The following NKIRAS1 variants were observed in gnomAD, a reference collection of about 807,000 sequenced individuals.
The protein encoded by NKIRAS1 is NF-kappa-B inhibitor-interacting Ras-like protein 1.
In NKIRAS1, 16 loss-of-function variants were observed where a neutral mutation model predicts 19.8. The observed-to-expected ratio is 0.81, with a 90% CI of 0.55 to 1.23. The LOEUF (loss-of-function observed/expected upper bound fraction) is 1.23, where lower values mean the gene tolerates loss of function less well. Among genes scored for constraint, NKIRAS1 ranks in the 50% most tolerant of loss-of-function variants. The pLI, the probability that NKIRAS1 is intolerant of heterozygous loss-of-function variation, is 0.00. For missense variants in NKIRAS1, 184 were observed against 220.0 expected, an observed-to-expected ratio of 0.84 and a Z score of 1.04; for synonymous variants, 88 against 79.0, an observed-to-expected ratio of 1.11 and a Z score of -0.61.
chr3:23,918,626 G>A, upstream of NKIRAS1: 1 of 1,582,004 alleles, frequency 6.3e-7, no homozygotes, highest in Admixed American at 1.8e-5. Flanking sequence ...GGGGATGGTG[G>A]GAGAGAGAGA....
At position 23,891,224 on chromosome 3, in the gene NKIRAS1, A is replaced by AGTT. The variant is rs1248779183; in HGVS notation, c.*1868_*1870dup. The AGTT allele has an allele frequency of 2.0e-5, 3 of 152,278 alleles. No homozygotes were observed. The highest frequency in any genetic ancestry group is 4.4e-5 in the Non-Finnish European group (3 of 68,050). 9.4% of individuals were successfully genotyped at this position (152,278 alleles called of 1,614,324 possible). On this transcript the variant is annotated 3_prime_UTR_variant, in exon 5 of 5. Transcript: ENST00000425478. Reference sequence around the variant, plus strand: ...AACTAACTGTAAGGCGTGGAATAGGAGTTGCTCAGTGGATTGGTTCTATGT... The same window carrying AGTT: ...AACTAACTGTAAGGCGTGGAATAGGAGTTGTTGCTCAGTGGATTGGTTCTATGT...
At chr3:23,944,848 T>TG (rs1559518683) in intron 1 of NKIRAS1, among the ~76,000 whole-genome samples, 2 of 8,404 alleles carry the variant, frequency 2.4e-4, no homozygotes, top group Non-Finnish European at 5.2e-4. Context: ...GGGGTGGGGG[T>TG]GGGGGGCGCA....
chr3:23,930,492 T>C (rs1705294617), intron 1 of NKIRAS1, among the ~76,000 whole-genome samples: 1 of 151,056 alleles, frequency 6.6e-6, no homozygotes. Context: ...AAATCTACAC[T>C]ATACAAACAG....
At chr3:23,944,958 G>T (rs1442307534) in intron 1 of NKIRAS1, among the ~76,000 whole-genome samples, 1 of 152,058 alleles carries the variant, frequency 6.6e-6, no homozygotes, top group Non-Finnish European at 1.5e-5. Flanking sequence ...CACCAGGTTG[G>T]GGGGCAGGGC....
chr3:23,937,703 T>TA (rs962051725), intron 1 of NKIRAS1, among the ~76,000 whole-genome samples: 2 of 152,184 alleles, frequency 1.3e-5, no homozygotes, highest in Admixed American at 6.5e-5. Flanking sequence ...TCTTACTTTT[T>TA]AAAAAATATC....
chr3:23,921,854 C>T (rs1705098703), upstream of NKIRAS1: 3 of 502,236 alleles, frequency 6.0e-6, no homozygotes, highest in South Asian at 5.7e-5. Context: ...GGATTACAGG[C>T]GTGAGCCACC....
chr3:23,923,704 G>C (rs1330168105), intron 1 of NKIRAS1: 1 of 152,186 alleles, frequency 6.6e-6, no homozygotes, highest in Non-Finnish European at 1.5e-5. Context: ...GAATGGCAGA[G>C]TTAAAAATTG....
At chr3:23,924,723 G>A (rs548495279) in intron 1 of NKIRAS1, among the ~76,000 whole-genome samples, 1 of 152,232 alleles carries the variant, frequency 6.6e-6, no homozygotes, top group South Asian at 2.1e-4. Flanking sequence ...ATTCTTGAAG[G>A]TAACTTTATG....
Position 23,891,710 on chromosome 3 carries a change from T to A in NKIRAS1, c.*1385A>T, listed in dbSNP as rs1434413844. The A allele has an allele frequency of 6.6e-6, 1 of 152,234 alleles. No individual in the cohort carries two copies. Among genetic ancestry groups the A allele is most frequent in the Non-Finnish European group, 1.5e-5 (1 of 68,046 alleles). The allele number at this position is 152,234 out of a possible 1,614,324, so 9.4% of individuals were successfully genotyped here. A position where few individuals can be genotyped will look rare whatever the true frequency, so the allele number is the denominator to read the frequency against. ...TCTCTTTCAGAGAAACTTATCTGGA[T>A]ACACATACATTCATTACAGAATTTA... On this transcript the variant is annotated 3_prime_UTR_variant, in exon 5 of 5. Transcript: ENST00000425478.
At position 23,892,788 on chromosome 3, in the gene NKIRAS1, G is replaced by A. The variant is rs977420220; in HGVS notation, c.*307C>T. 5.3e-6 allele frequency: 1 copy of A among 187,412 alleles called. No individual in the cohort carries two copies. The highest frequency in any genetic ancestry group is 6.1e-5 in the Admixed American group (1 of 16,462). 11.6% of individuals were successfully genotyped at this position (187,412 alleles called of 1,614,324 possible). A position where few individuals can be genotyped will look rare whatever the true frequency, so the allele number is the denominator to read the frequency against. The stretch of plus-strand genomic sequence containing the variant: ...TGGGGTTGGGGGGAAGTTACACATA[G>A]GTGCATTTGCATAACTATCCAAACT... On this transcript the variant is annotated 3_prime_UTR_variant, in exon 5 of 5. Transcript: ENST00000425478.
At position 23,891,489 on chromosome 3, in the gene NKIRAS1, G is replaced by C. The variant is rs75107708; in HGVS notation, c.*1606C>G. On this transcript the variant is annotated 3_prime_UTR_variant, in exon 5 of 5. Coordinates refer to ENST00000425478, the MANE Select transcript of NKIRAS1 (RefSeq NM_020345.4). ...ACACAGCTGTAGATGAGGTATCCTAGAAAAGGTTAAATAATCTACCCCATT... is the reference window on the plus strand; with the variant it reads ...ACACAGCTGTAGATGAGGTATCCTACAAAAGGTTAAATAATCTACCCCATT... Among the ~76,000 whole-genome samples the C allele has an allele frequency of 1.0e-3, 156 of 152,288 alleles. 1 individual carries two copies. Among genetic ancestry groups the C allele is most frequent in the Non-Finnish European group, 1.9e-3 (130 of 68,006 alleles).
intron 4 of NKIRAS1, among the ~76,000 whole-genome samples, chr3:23,893,762 G>A (rs1277177162): frequency 3.0e-5 from 4 of 133,068 alleles, no homozygotes; most frequent in Non-Finnish European, 4.6e-5. Flanking sequence ...TGGCGCCACT[G>A]CACTCCAGCC....
At chr3:23,894,206 G>A (rs1701748269) in intron 4 of NKIRAS1, among the ~76,000 whole-genome samples, 1 of 152,186 alleles carries the variant, frequency 6.6e-6, no homozygotes. Context: ...AGCTCGGGGA[G>A]GAGAAGAGAC....
chr3:23,934,324 T>C (rs957902253), intron 1 of NKIRAS1, among the ~76,000 whole-genome samples: 3 of 152,068 alleles, frequency 2.0e-5, no homozygotes, highest in Non-Finnish European at 2.9e-5. Context: ...AAGCCAAAAA[T>C]AATTGTATCC....
chr3:23,928,999 TAAAAA>T (rs539612913), intron 1 of NKIRAS1, among the ~76,000 whole-genome samples: 1,638 of 122,546 alleles, frequency 0.013, 33 homozygotes, highest in African/African-American at 0.043. Flanking sequence ...TCCATCTCTT[TAAAAA>T]AAAAAAAAAG....
At chr3:23,918,303 T>G, upstream of NKIRAS1, 4 of 1,045,326 alleles carry the variant, frequency 3.8e-6, no homozygotes, top group Middle Eastern at 3.3e-4. Context: ...AAGACTGGGA[T>G]GTGTTTTATT....
At chr3:23,945,916 G>T (rs908240837) in intron 1 of NKIRAS1, among the ~76,000 whole-genome samples, 1 of 150,886 alleles carries the variant, frequency 6.6e-6, no homozygotes, top group African/African-American at 2.4e-5. Context: ...GGGCGGGCGC[G>T]TGACGCGGCA....
intron 1 of NKIRAS1, among the ~76,000 whole-genome samples, chr3:23,914,668 ACAGAAATCATCCCTTGTCCT>A (rs1355009648): frequency 6.6e-6 from 1 of 152,232 alleles, no homozygotes; most frequent in African/African-American, 2.4e-5. Flanking sequence ...GGGGGCAAAA[ACAGAAATCATCCCTTGTCCT>A]CAGGAATCTC....
chr3:23,901,036 G>C lies in NKIRAS1; in HGVS notation c.108C>G (p.Cys36Trp). The change falls in exon 4 of 5, where the codon TGC (cysteine) becomes TGG (tryptophan). Residue 36 changes from cysteine (C) to tryptophan (W), a missense_variant. Transcript: ENST00000425478. Reference protein sequence around the residue: ...YGNHTIGMEDCETMEDVYMAS... With the variant: ...YGNHTIGMEDWETMEDVYMAS... ...CCATGTATACATCTTCCATTGTTTC[G>C]CAATCTTCCATTCCTGGGATTAAGA... 3.1e-6 allele frequency: 5 copies of C among 1,613,368 alleles called. No homozygotes were observed. Among genetic ancestry groups the C allele is most frequent in the Non-Finnish European group, 4.2e-6 (5 of 1,179,560 alleles).
Sources: gnomAD v4.1 joint callset for allele counts (sites outside exome capture counted in the v4.1 genomes callset) on GRCh38, gnomAD v4.1.1 for gene constraint, MANE v1.5 for transcripts, NCBI Gene and HGNC (gene_info 2026-07-23, HGNC 2026-07-21) for gene names.